The following B3GALT1 variants were observed in gnomAD, a reference collection of about 807,000 sequenced individuals.
The protein encoded by B3GALT1 is UDP-Gal:betaGlcNAc beta 1,3-galactosyltransferase, polypeptide 1.
Under a neutral mutation model 23.2 loss-of-function variants are expected in B3GALT1, and 10 were observed. That is an observed-to-expected ratio of 0.43 (90% confidence interval 0.27 to 0.73). The LOEUF (loss-of-function observed/expected upper bound fraction) is 0.73, where lower values mean the gene tolerates loss of function less well. Among genes scored for constraint, B3GALT1 ranks in the 30% least tolerant of loss-of-function variants. B3GALT1 has a pLI of 0.21. For missense variants in B3GALT1, 299 were observed against 405.4 expected (o/e 0.74, Z 2.25); for synonymous variants, 156 against 141.5 (o/e 1.10, Z -0.73).
At chr2:167,519,112 A>G (rs1031703345) in intron 2 of B3GALT1, among the ~76,000 whole-genome samples, 1 of 151,874 alleles carries the variant, frequency 6.6e-6, no homozygotes, top group Non-Finnish European at 1.5e-5. Flanking sequence ...TAGCTTGTCT[A>G]CTGGACAGTA....
intron 3 of B3GALT1, among the ~76,000 whole-genome samples, chr2:167,745,246 T>G (rs1687635908): frequency 7.1e-6 from 1 of 140,770 alleles, no homozygotes; most frequent in Non-Finnish European, 1.6e-5. Context: ...TACAAAACCT[T>G]GAAACATGTA....
At chr2:167,389,463 T>A (rs1697982382) in intron 1 of B3GALT1, among the ~76,000 whole-genome samples, 1 of 151,668 alleles carries the variant, frequency 6.6e-6, no homozygotes, top group Admixed American at 6.6e-5. Flanking sequence ...CTAAAAAGAG[T>A]GTCTGCTGGA....
chr2:167,497,920 T>A (rs1024972757), intron 2 of B3GALT1, among the ~76,000 whole-genome samples: 3 of 151,050 alleles, frequency 2.0e-5, no homozygotes, highest in Non-Finnish European at 4.4e-5. Flanking sequence ...AACCAAGGAG[T>A]ATATGAGTTT....
chr2:167,511,502 A>G (rs933243545), intron 2 of B3GALT1, among the ~76,000 whole-genome samples: 9 of 152,158 alleles, frequency 5.9e-5, no homozygotes, highest in African/African-American at 1.9e-4. Context: ...GCCCTGTGGA[A>G]CTGTGAGCCA....
chr2:167,473,112 AT>A (rs1251676381), intron 1 of B3GALT1, among the ~76,000 whole-genome samples: 10 of 152,174 alleles, frequency 6.6e-5, no homozygotes, highest in Non-Finnish European at 1.3e-4. Flanking sequence ...GAGATTAGTG[AT>A]TCCCAAGTTC....
At chr2:167,356,267 C>T (rs1697401592) in intron 1 of B3GALT1, among the ~76,000 whole-genome samples, 2 of 152,146 alleles carry the variant, frequency 1.3e-5, no homozygotes, top group South Asian at 4.1e-4. Context: ...ATACTAACTA[C>T]ACCAAGTAAT....
At chr2:167,557,711 A>G (rs936009640) in intron 2 of B3GALT1, among the ~76,000 whole-genome samples, 1 of 152,216 alleles carries the variant, frequency 6.6e-6, no homozygotes, top group Non-Finnish European at 1.5e-5. Context: ...GACCAAAGGC[A>G]TATGTCAGTT....
chr2:167,475,542 A>C (rs889369556), intron 1 of B3GALT1, among the ~76,000 whole-genome samples: 16 of 152,248 alleles, frequency 1.1e-4, no homozygotes, highest in African/African-American at 3.9e-4. Context: ...AGGAAAAAGA[A>C]ATTTTTGCTA....
chr2:167,451,464 C>T (rs1254208522), intron 1 of B3GALT1, among the ~76,000 whole-genome samples: 1 of 152,154 alleles, frequency 6.6e-6, no homozygotes, highest in East Asian at 1.9e-4. Context: ...TGTTATCTCT[C>T]TTCTGGATCT....
chr2:167,787,006 C>T (rs1232532749), intron 3 of B3GALT1, among the ~76,000 whole-genome samples: 2 of 152,196 alleles, frequency 1.3e-5, no homozygotes, highest in African/African-American at 4.8e-5. Flanking sequence ...AGGCCCACTA[C>T]TTTGCATTTT....
intron 1 of B3GALT1, among the ~76,000 whole-genome samples, chr2:167,299,619 T>G (rs539580910): frequency 2.0e-5 from 3 of 152,252 alleles, no homozygotes; most frequent in African/African-American, 7.2e-5. Flanking sequence ...AAGCAACAAT[T>G]AACAAATAAT....
chr2:167,466,432 A>G (rs1699345964), intron 1 of B3GALT1, among the ~76,000 whole-genome samples: 1 of 151,934 alleles, frequency 6.6e-6, no homozygotes. Flanking sequence ...AGCCTGGTCA[A>G]CATGGTGAAA....
chr2:167,494,353 C>A (rs1699749946), intron 2 of B3GALT1, among the ~76,000 whole-genome samples: 1 of 150,684 alleles, frequency 6.6e-6, no homozygotes, highest in Non-Finnish European at 1.5e-5. Flanking sequence ...AAAAAGATAT[C>A]AGTTATGATA....
At chr2:167,401,099 G>A (rs1698182490) in intron 1 of B3GALT1, among the ~76,000 whole-genome samples, 1 of 151,906 alleles carries the variant, frequency 6.6e-6, no homozygotes, top group Admixed American at 6.6e-5. Context: ...TAATCTGCTT[G>A]GGGAGGGACT....
rs768235304 is a variant in B3GALT1, at chr2:167,475,122, TA to T, written c.-510-15054del. Among the ~76,000 whole-genome samples, 77 of 152,288 alleles carry T rather than the reference TA, an allele frequency of 5.1e-4. 1 individual carries two copies. Among genetic ancestry groups the T allele is most frequent in the Middle Eastern group, 6.8e-3 (2 of 294 alleles). On this transcript the variant is annotated intron_variant, in intron 1 of 4. Coordinates refer to ENST00000392690, the MANE Select transcript of B3GALT1 (RefSeq NM_020981.4). ...CCTATGGTCAGCTGCAGTCCAAAAA[TA>T]TTAAATAGTAAATTTCGGAAATCAA...
intron 1 of B3GALT1, among the ~76,000 whole-genome samples, chr2:167,454,582 T>G (rs1372220669): frequency 6.6e-6 from 1 of 152,214 alleles, no homozygotes; most frequent in Non-Finnish European, 1.5e-5. Context: ...AATGTAAATC[T>G]TATTTGCTTA....
intron 1 of B3GALT1, among the ~76,000 whole-genome samples, chr2:167,473,250 A>G (rs1326057172): frequency 6.6e-6 from 1 of 152,150 alleles, no homozygotes; most frequent in Non-Finnish European, 1.5e-5. Context: ...GAATAGAAGC[A>G]TTAGAATCAA....
intron 2 of B3GALT1, among the ~76,000 whole-genome samples, chr2:167,602,950 C>T (rs762839180): frequency 6.6e-6 from 1 of 152,106 alleles, no homozygotes; most frequent in Non-Finnish European, 1.5e-5. Flanking sequence ...TCTTGTTTGG[C>T]CCTGCACTAC....
intron 1 of B3GALT1, among the ~76,000 whole-genome samples, chr2:167,364,000 A>C (rs1697543441): frequency 6.6e-6 from 1 of 151,828 alleles, no homozygotes; most frequent in Non-Finnish European, 1.5e-5. Context: ...CTCTACTAAA[A>C]ACAGACAAAA....
Sources: gnomAD v4.1 joint callset for allele counts (sites outside exome capture counted in the v4.1 genomes callset) on GRCh38, gnomAD v4.1.1 for gene constraint, MANE v1.5 for transcripts, NCBI Gene and HGNC (gene_info 2026-07-23, HGNC 2026-07-21) for gene names.